SPTA1: variants seen among roughly 807,000 people sequenced by gnomAD.
The protein encoded by SPTA1 is spectrin alpha, erythrocytic 1.
In SPTA1, 177 loss-of-function variants were observed where a neutral mutation model predicts 324.7. That is an observed-to-expected ratio of 0.55 (90% confidence interval 0.48 to 0.62). The LOEUF (loss-of-function observed/expected upper bound fraction) is 0.62. Ranked by LOEUF, SPTA1 falls within the 20% of genes least tolerant of loss-of-function variation. SPTA1 has a pLI of 0.00. For missense variants in SPTA1, 3,162 were observed against 2,883.6 expected, an observed-to-expected ratio of 1.10 and a Z score of -2.21; for synonymous variants, 1,195 against 1,041.3, an observed-to-expected ratio of 1.15 and a Z score of -2.84.
rs747914023 is a variant in SPTA1, at chr1:158,681,529, T to C, written c.529A>G (p.Lys177Glu). 2.5e-6 allele frequency: 4 copies of C among 1,613,636 alleles called. No homozygotes were observed. The highest frequency in any genetic ancestry group is 3.4e-6 in the Non-Finnish European group (4 of 1,179,656). The change falls in exon 4 of 52, where the codon AAG becomes GAG. Residue 177 changes from lysine to glutamate, a missense_variant and splice_region_variant. By Grantham distance (56) the Lys-to-Glu change is moderately conservative. Transcript: ENST00000643759. Reference sequence around the variant, plus strand: ...GATTGCTGTTTTAAGTTCGATACCTTGTCTCCAATCCACTCTAAGATGTCA... The same window carrying C: ...GATTGCTGTTTTAAGTTCGATACCTCGTCTCCAATCCACTCTAAGATGTCA... Reference protein sequence around the residue: ...CADILEWIGDKEAIATSVELG... With the variant: ...CADILEWIGDEEAIATSVELG...
intron 17 of SPTA1, 65 bp downstream of exon 17, chr1:158,662,637 G>A: frequency 6.2e-7 from 1 of 1,609,712 alleles, no homozygotes; most frequent in Non-Finnish European, 8.5e-7. Flanking sequence ...CTGTACCCCA[G>A]ATCTCTCTCA....
At chr1:158,653,142 C>T in intron 22 of SPTA1, 132 bp downstream of exon 22, 1 of 1,416,502 alleles carries the variant, frequency 7.1e-7, no homozygotes, top group Non-Finnish European at 9.8e-7. Flanking sequence ...TCTAGGTTTA[C>T]TTTCGATTCT....
At chr1:158,674,912 C>CCATGA (rs1458937428) in intron 8 of SPTA1, among the ~76,000 whole-genome samples, 1 of 152,020 alleles carries the variant, frequency 6.6e-6, no homozygotes, top group African/African-American at 2.4e-5. Context: ...GGGATGTGAC[C>CCATGA]CATGAGCATT....
At chr1:158,645,843 G>A (rs920160661) in intron 27 of SPTA1, among the ~76,000 whole-genome samples, 6 of 151,992 alleles carry the variant, frequency 3.9e-5, no homozygotes, top group South Asian at 4.2e-4. Flanking sequence ...CAGAGATTCC[G>A]GGAATTTTTT....
intron 40 of SPTA1, 48 bp from the exon 41 acceptor site, chr1:158,627,055 A>T (rs1650325917): frequency 6.2e-7 from 1 of 1,608,184 alleles, no homozygotes. Flanking sequence ...CAGGGCTGGA[A>T]ATGTGAATCC....
intron 3 of SPTA1, among the ~76,000 whole-genome samples, chr1:158,682,646 GT>G (rs1654893663): frequency 6.6e-6 from 1 of 152,034 alleles, no homozygotes; most frequent in Non-Finnish European, 1.5e-5. Context: ...ATGCAAATTT[GT>G]TTTGACAATT....
At chr1:158,660,172 C>A (rs991517066) in intron 18 of SPTA1, among the ~76,000 whole-genome samples, 4 of 151,942 alleles carry the variant, frequency 2.6e-5, no homozygotes, top group Non-Finnish European at 4.4e-5. Flanking sequence ...TTAAAATAAA[C>A]CATATTGATG....
chr1:158,619,452 A>G (rs1649772465), intron 44 of SPTA1, 118 bp from the exon 45 acceptor site: 2 of 959,594 alleles, frequency 2.1e-6, no homozygotes, highest in Non-Finnish European at 3.4e-6. Flanking sequence ...CCTATCTTCC[A>G]CAGGTATGTG....
rs777665939 is a variant in SPTA1 at position 158,662,880 on chromosome 1, C to T, written c.2286G>A (p.Lys762=). 2.4e-5 allele frequency: 38 copies of T among 1,613,968 alleles called. No individual in the cohort carries two copies. Among genetic ancestry groups the T allele is most frequent in the Non-Finnish European group, 3.0e-5 (35 of 1,179,990 alleles). The part of the protein sequence containing the change: ...YFEEIGHPDS[K]DIRARQESLV... Reference sequence around the variant, plus strand: ...AGGACTCTTGCCTTGCCCTTATATCCTTAGAATCAGGATGGCCTATTTCTT... The same window carrying T: ...AGGACTCTTGCCTTGCCCTTATATCTTTAGAATCAGGATGGCCTATTTCTT... The change falls in exon 17 of 52, where the codon AAG becomes AAA. Residue 762 remains lysine (K), a synonymous_variant. Coordinates refer to ENST00000643759, the MANE Select transcript of SPTA1 (RefSeq NM_003126.4).
At chr1:158,620,109 G>T in intron 44 of SPTA1, 61 bp downstream of exon 44, 1 of 1,584,598 alleles carries the variant, frequency 6.3e-7, no homozygotes, top group Non-Finnish European at 8.7e-7. Flanking sequence ...CTATTTACTT[G>T]GATAATAAAG....
At chr1:158,618,554 C>T (rs1246596517) in intron 45 of SPTA1, among the ~76,000 whole-genome samples, 1 of 152,178 alleles carries the variant, frequency 6.6e-6, no homozygotes, top group Non-Finnish European at 1.5e-5. Context: ...TAATATATTA[C>T]ATCTTCTAAG....
At chr1:158,668,420 A>G (rs1036552631) in intron 14 of SPTA1, among the ~76,000 whole-genome samples, 1 of 152,196 alleles carries the variant, frequency 6.6e-6, no homozygotes, top group South Asian at 2.1e-4. Flanking sequence ...TGACCCATAT[A>G]GAGATCTGTT....
intron 39 of SPTA1, among the ~76,000 whole-genome samples, chr1:158,632,328 A>T (rs1314639206): frequency 6.6e-6 from 1 of 152,210 alleles, no homozygotes; most frequent in Non-Finnish European, 1.5e-5. Flanking sequence ...ATTACAGTCA[A>T]GCAAGATGAA....
chr1:158,627,535 G>T, intron 40 of SPTA1, 90 bp downstream of exon 40: 3 of 1,244,808 alleles, frequency 2.4e-6, no homozygotes, highest in Non-Finnish European at 2.4e-6. Context: ...TCTTAGCACT[G>T]CTCTCTGCAT....
chr1:158,611,131 G>GCACATACA lies in SPTA1; in HGVS notation c.*132_*133insTGTATGTG. On this transcript the variant is annotated 3_prime_UTR_variant, in exon 52 of 52. Transcript: ENST00000643759. ...AAATGTAATATGCACACAAACACAA[G>GCACATACA]CACACACACACACACACACACACAC... The GCACATACA allele has an allele frequency of 1.5e-6, 1 of 670,346 alleles. No individual in the cohort carries two copies. The highest frequency in any genetic ancestry group is 2.5e-6 in the Non-Finnish European group (1 of 392,794). 41.5% of individuals were successfully genotyped at this position (670,346 alleles called of 1,614,324 possible). A position where few individuals can be genotyped will look rare whatever the true frequency, so the allele number is the denominator to read the frequency against.
chr1:158,651,525 C>T (rs1652433941), intron 23 of SPTA1, 57 bp from the exon 24 acceptor site: 1 of 1,187,076 alleles, frequency 8.4e-7, no homozygotes, highest in African/African-American at 1.5e-5. Flanking sequence ...GTGTAAATCC[C>T]CTCATCAAGA....
At chr1:158,638,313 C>T in intron 35 of SPTA1, 72 bp from the exon 36 acceptor site, 1 of 1,475,744 alleles carries the variant, frequency 6.8e-7, no homozygotes, top group African/African-American at 1.4e-5. Context: ...TTAACAACAG[C>T]TGGTCTGGCT....
chr1:158,641,240 T>C (rs971928565), intron 33 of SPTA1, among the ~76,000 whole-genome samples: 11 of 152,222 alleles, frequency 7.2e-5, no homozygotes, highest in Admixed American at 2.6e-4. Context: ...ATTCAGGACA[T>C]AGGCATGGGC....
chr1:158,663,949 A>G (rs1365374452), intron 16 of SPTA1, among the ~76,000 whole-genome samples: 2 of 152,234 alleles, frequency 1.3e-5, no homozygotes, highest in East Asian at 3.8e-4. Context: ...TGCTCAATCT[A>G]TAAAGGATTT....
Sources: gnomAD v4.1 joint callset for allele counts (sites outside exome capture counted in the v4.1 genomes callset) on GRCh38, gnomAD v4.1.1 for gene constraint, MANE v1.5 for transcripts, NCBI Gene and HGNC (gene_info 2026-07-23, HGNC 2026-07-21) for gene names.